The following SPATA16 variants were observed in gnomAD, a reference collection of about 807,000 sequenced individuals.
The protein encoded by SPATA16 is spermatogenesis-associated protein 16.
In SPATA16, 36 loss-of-function variants were observed where a neutral mutation model predicts 63.3. The observed-to-expected ratio is 0.57, with a 90% CI of 0.44 to 0.75. The LOEUF is 0.75. SPATA16 is among the 30% of genes least tolerant of loss of function. The pLI, the probability that SPATA16 is intolerant of heterozygous loss-of-function variation, is 0.00. For missense variants in SPATA16, 646 were observed against 679.3 expected (o/e 0.95, Z 0.54); for synonymous variants, 203 against 216.7 (o/e 0.94, Z 0.56).
intron 6 of SPATA16, among the ~76,000 whole-genome samples, chr3:172,955,944 G>A (rs757388108): frequency 1.3e-5 from 2 of 152,078 alleles, no homozygotes; most frequent in African/African-American, 2.4e-5. Flanking sequence ...TGACTCAGCC[G>A]CAAAACTCTG....
intron 6 of SPATA16, among the ~76,000 whole-genome samples, chr3:172,931,305 A>G (rs969963481): frequency 4.6e-5 from 7 of 152,168 alleles, no homozygotes; most frequent in African/African-American, 1.7e-4. Context: ...CAGTAATGCA[A>G]TCATAGCTCA....
chr3:172,933,562 T>C (rs1224771083), intron 6 of SPATA16, among the ~76,000 whole-genome samples: 1 of 152,220 alleles, frequency 6.6e-6, no homozygotes, highest in East Asian at 1.9e-4. Context: ...CTTGAGGGCA[T>C]GGCAGAGTTA....
rs142268993 is a variant in SPATA16 at position 172,995,190 on chromosome 3, T to C, written c.849-18138A>G. ...TGTTTTTAGGCAGTGAGTTGAGTAA[T>C]AAGAGATTGGGAAAGAAAAATCAGG... On this transcript the variant is annotated intron_variant, in intron 4 of 10. Transcript: ENST00000351008. Among the ~76,000 whole-genome samples, 488 of 152,104 alleles carry C rather than the reference T, an allele frequency of 3.2e-3. 1 individual carries two copies. The highest frequency in any genetic ancestry group is 0.011 in the African/African-American group (473 of 41,524).
chr3:172,942,519 G>C (rs912305243), intron 6 of SPATA16, among the ~76,000 whole-genome samples: 1 of 149,818 alleles, frequency 6.7e-6, no homozygotes, highest in Non-Finnish European at 1.5e-5. Context: ...CTTAAAACAG[G>C]CACATTGATG....
intron 2 of SPATA16, among the ~76,000 whole-genome samples, chr3:173,063,750 G>GT (rs1469276877): frequency 2.6e-5 from 4 of 152,110 alleles, no homozygotes; most frequent in African/African-American, 9.7e-5. Flanking sequence ...TTGCTTAAAT[G>GT]TAAGTGGGGA....
intron 4 of SPATA16, among the ~76,000 whole-genome samples, chr3:172,978,638 A>G (rs1734222919): frequency 6.6e-6 from 1 of 152,152 alleles, no homozygotes; most frequent in Non-Finnish European, 1.5e-5. Flanking sequence ...TAACATTTGG[A>G]TTTACAAATA....
At chr3:172,910,047 A>T (rs2109557526) in intron 10 of SPATA16, among the ~76,000 whole-genome samples, 1 of 149,356 alleles carries the variant, frequency 6.7e-6, no homozygotes, top group South Asian at 2.1e-4. Context: ...TACAAATGCA[A>T]TTTTTTTGGG....
chr3:173,093,582 G>C (rs1737276319), intron 2 of SPATA16, among the ~76,000 whole-genome samples: 1 of 152,092 alleles, frequency 6.6e-6, no homozygotes, highest in African/African-American at 2.4e-5. Context: ...AGATTACTAT[G>C]TATATGATGA....
chr3:172,935,432 A>G (rs565972976), intron 6 of SPATA16, among the ~76,000 whole-genome samples: 12 of 152,386 alleles, frequency 7.9e-5, no homozygotes, highest in African/African-American at 2.6e-4. Context: ...GGTTTGATCC[A>G]TAATAGAAAA....
chr3:172,966,731 T>C (rs1336325033), intron 5 of SPATA16, among the ~76,000 whole-genome samples: 2 of 152,222 alleles, frequency 1.3e-5, no homozygotes, highest in African/African-American at 4.8e-5. Context: ...TTTTAATTGG[T>C]GTGCAATACC....
intron 2 of SPATA16, among the ~76,000 whole-genome samples, chr3:173,116,577 C>A (rs1737906855): frequency 6.6e-6 from 1 of 152,100 alleles, no homozygotes; most frequent in African/African-American, 2.4e-5. Context: ...ATAAAGATCA[C>A]TAGAATGGGG....
chr3:172,931,044 G>A (rs1256606146), intron 6 of SPATA16, among the ~76,000 whole-genome samples: 3 of 149,830 alleles, frequency 2.0e-5, no homozygotes, highest in East Asian at 4.0e-4. Flanking sequence ...GGCTGGTCTC[G>A]AACTCCTGAC....
At chr3:172,955,168 G>A (rs1005102385) in intron 6 of SPATA16, among the ~76,000 whole-genome samples, 3 of 152,046 alleles carry the variant, frequency 2.0e-5, no homozygotes, top group Admixed American at 1.3e-4. Flanking sequence ...TGGTGCTTCC[G>A]AACTATTAAT....
chr3:173,018,546 G>A (rs1311826079), intron 4 of SPATA16, among the ~76,000 whole-genome samples: 1 of 152,130 alleles, frequency 6.6e-6, no homozygotes, highest in Non-Finnish European at 1.5e-5. Flanking sequence ...AAAGTGCTGG[G>A]ATAACAGGCT....
intron 1 of SPATA16, among the ~76,000 whole-genome samples, chr3:173,135,394 G>A (rs552894205): frequency 6.6e-6 from 1 of 152,294 alleles, no homozygotes; most frequent in East Asian, 1.9e-4. Flanking sequence ...TTGGAAAGCT[G>A]TTTGGCAGCA....
At chr3:173,121,085 A>G (rs1435562170) in intron 1 of SPATA16, among the ~76,000 whole-genome samples, 3 of 152,208 alleles carry the variant, frequency 2.0e-5, no homozygotes, top group Non-Finnish European at 2.9e-5. Context: ...CAAATTCAGA[A>G]TAAATACCTG....
chr3:172,895,508 G>A (rs940009628), intron 10 of SPATA16, among the ~76,000 whole-genome samples: 5 of 151,952 alleles, frequency 3.3e-5, no homozygotes, highest in African/African-American at 1.2e-4. Context: ...GCTAATTTTT[G>A]TATTTTTGGT....
chr3:173,063,760 A>G (rs1240703533), intron 2 of SPATA16, among the ~76,000 whole-genome samples: 1 of 152,162 alleles, frequency 6.6e-6, no homozygotes, highest in Non-Finnish European at 1.5e-5. Flanking sequence ...GTAAGTGGGG[A>G]AAATTGGGCT....
At chr3:172,961,125 C>CCTTT (rs1172611501) in intron 5 of SPATA16, among the ~76,000 whole-genome samples, 5 of 128,274 alleles carry the variant, frequency 3.9e-5, no homozygotes, top group African/African-American at 1.4e-4. Context: ...TTCCTTCCTT[C>CCTTT]CTTTCTCTTT....
Sources: gnomAD v4.1 joint callset for allele counts (sites outside exome capture counted in the v4.1 genomes callset) on GRCh38, gnomAD v4.1.1 for gene constraint, MANE v1.5 for transcripts, NCBI Gene and HGNC (gene_info 2026-07-23, HGNC 2026-07-21) for gene names.